Variants in CAMTA1 observed in about 807,000 individuals in gnomAD.
CAMTA1 encodes the protein calmodulin-binding transcription activator 1.
Under a neutral mutation model 170.9 loss-of-function variants are expected in CAMTA1, and 27 were observed. That is an observed-to-expected ratio of 0.16 (90% CI 0.12 to 0.22). CAMTA1 has a LOEUF of 0.22. Among genes scored for constraint, CAMTA1 ranks in the 10% least tolerant of loss-of-function variants. CAMTA1 has a pLI of 1.00. For synonymous variants in CAMTA1, 833 were observed against 891.5 expected, an observed-to-expected ratio of 0.93 and a Z score of 1.17; for missense variants, 1,619 against 2,217.2, an observed-to-expected ratio of 0.73 and a Z score of 5.42.
intron 6 of CAMTA1, among the ~76,000 whole-genome samples, chr1:7,637,435 A>G (rs2095721388): frequency 6.6e-6 from 1 of 152,188 alleles, no homozygotes; most frequent in Non-Finnish European, 1.5e-5. Flanking sequence ...CACAGGCAGG[A>G]GCCCTCAGCC....
At chr1:7,726,639 T>A (rs2096688918) in intron 11 of CAMTA1, among the ~76,000 whole-genome samples, 1 of 152,214 alleles carries the variant, frequency 6.6e-6, no homozygotes, top group African/African-American at 2.4e-5. Context: ...GGCCAGCCTG[T>A]GTTACTAGAA....
chr1:7,180,865 G>A (rs373987106), intron 4 of CAMTA1, among the ~76,000 whole-genome samples: 67 of 152,186 alleles, frequency 4.4e-4, no homozygotes, highest in African/African-American at 1.4e-3. Context: ...TTAGAGAATC[G>A]AAAATAAATG....
At chr1:7,485,082 C>A (rs1178877081) in intron 6 of CAMTA1, among the ~76,000 whole-genome samples, 1 of 152,162 alleles carries the variant, frequency 6.6e-6, no homozygotes, top group East Asian at 1.9e-4. Flanking sequence ...CCAGCCCCTT[C>A]TGTTGCCTCC....
At chr1:6,851,870 C>G (rs1186106560) in intron 3 of CAMTA1, among the ~76,000 whole-genome samples, 1 of 151,686 alleles carries the variant, frequency 6.6e-6, no homozygotes, top group Non-Finnish European at 1.5e-5. Context: ...AAAAATTAGC[C>G]GGGCGTGGTG....
intron 1 of CAMTA1, among the ~76,000 whole-genome samples, chr1:6,815,189 C>A (rs1474795581): frequency 2.6e-5 from 4 of 151,564 alleles, no homozygotes; most frequent in Admixed American, 2.0e-4. Flanking sequence ...TAGAGCTCTG[C>A]ATCTCTCCTC....
At chr1:7,047,749 G>A (rs1249209187) in intron 3 of CAMTA1, among the ~76,000 whole-genome samples, 1 of 146,818 alleles carries the variant, frequency 6.8e-6, no homozygotes, top group Non-Finnish European at 1.5e-5. Context: ...GAGGTTACTA[G>A]GATTAGAGAT....
At chr1:6,807,085 G>A in intron 1 of CAMTA1, 1 of 640,388 alleles carries the variant, frequency 1.6e-6, no homozygotes, top group East Asian at 2.8e-5. Flanking sequence ...TCAGTGCTGT[G>A]AAGGTGCGTG....
At chr1:7,620,454 T>A (rs2095590187) in intron 6 of CAMTA1, among the ~76,000 whole-genome samples, 1 of 152,210 alleles carries the variant, frequency 6.6e-6, no homozygotes, top group African/African-American at 2.4e-5. Context: ...ACCAATGAGA[T>A]GTGACTGGAA....
At chr1:6,993,056 T>G (rs1161673875) in intron 3 of CAMTA1, among the ~76,000 whole-genome samples, 1 of 152,248 alleles carries the variant, frequency 6.6e-6, no homozygotes, top group Non-Finnish European at 1.5e-5. Context: ...GTGGATCTAT[T>G]TTGGTTTCTA....
At chr1:7,747,137 G>A (rs912174907) in intron 18 of CAMTA1, among the ~76,000 whole-genome samples, 9 of 152,170 alleles carry the variant, frequency 5.9e-5, no homozygotes, top group Non-Finnish European at 8.8e-5. Context: ...ATGATAATGC[G>A]TATTATTCAG....
chr1:7,026,080 A>C (rs1301232425), intron 3 of CAMTA1, among the ~76,000 whole-genome samples: 2 of 151,650 alleles, frequency 1.3e-5, no homozygotes, highest in Non-Finnish European at 2.9e-5. Context: ...TGATTGTACC[A>C]CTGCACTCAA....
At chr1:6,914,398 G>C (rs1468798882) in intron 3 of CAMTA1, among the ~76,000 whole-genome samples, 1 of 152,126 alleles carries the variant, frequency 6.6e-6, no homozygotes, top group East Asian at 1.9e-4. Flanking sequence ...CACCACACCT[G>C]GCCATCTCTG....
chr1:7,180,542 G>T lies in CAMTA1; in HGVS notation c.303-68949G>T, dbSNP rs559068089. ...TTTTTTTTTTTTTTTTTTTGAGACC[G>T]GGCCCCCCTCTATCATCCTGAAGTG... On this transcript the variant is annotated intron_variant, in intron 4 of 22. Coordinates refer to ENST00000303635, the MANE Select transcript of CAMTA1 (RefSeq NM_015215.4). 2.0e-3 allele frequency among the ~76,000 whole-genome samples: 183 copies of T among 90,442 alleles called. 1 individual carries two copies. The highest frequency in any genetic ancestry group is 7.4e-3 in the African/African-American group (174 of 23,452). 59.3% of individuals were successfully genotyped at this position (90,442 alleles called of 152,430 possible).
At chr1:6,857,014 G>A (rs1285958769) in intron 3 of CAMTA1, among the ~76,000 whole-genome samples, 1 of 152,208 alleles carries the variant, frequency 6.6e-6, no homozygotes, top group East Asian at 1.9e-4. Context: ...AAACTAGGGT[G>A]TCCCTGTGAA....
Position 7,130,040 on chromosome 1 carries a change from C to T in CAMTA1, c.302+38669C>T, listed in dbSNP as rs193061330. 4.2e-3 allele frequency among the ~76,000 whole-genome samples: 634 copies of T among 152,002 alleles called. 4 individuals carry two copies. Among genetic ancestry groups the T allele is most frequent in the African/African-American group, 0.014 (591 of 41,426 alleles). ...AAACCTCCACCTCCCAGGTTCAAGC[C>T]ATTCTCCCGCCTCAGCCCCCCAAGT... On this transcript the variant is annotated intron_variant, in intron 4 of 22. Coordinates refer to ENST00000303635, the MANE Select transcript of CAMTA1 (RefSeq NM_015215.4).
At chr1:7,159,180 G>A (rs1047477004) in intron 4 of CAMTA1, among the ~76,000 whole-genome samples, 4 of 151,834 alleles carry the variant, frequency 2.6e-5, no homozygotes, top group African/African-American at 7.3e-5. Context: ...GCCTAAGATG[G>A]GCTGCCTTTC....
At chr1:7,484,204 G>A (rs35863028) in intron 6 of CAMTA1, among the ~76,000 whole-genome samples, 3 of 152,272 alleles carry the variant, frequency 2.0e-5, no homozygotes, top group Middle Eastern at 3.4e-3. Context: ...CTGGCACAGA[G>A]GGGGGCCCAC....
chr1:7,002,710 C>G (rs1698412412), intron 3 of CAMTA1, among the ~76,000 whole-genome samples: 1 of 152,142 alleles, frequency 6.6e-6, no homozygotes, highest in Non-Finnish European at 1.5e-5. Flanking sequence ...ACCATCTAGC[C>G]CATGTGCCTT....
At chr1:7,726,481 C>G (rs1054302114) in intron 11 of CAMTA1, among the ~76,000 whole-genome samples, 4 of 152,136 alleles carry the variant, frequency 2.6e-5, no homozygotes, top group African/African-American at 4.8e-5. Context: ...CTAGAAGGCT[C>G]TAAGTAGGTG....
Sources: gnomAD v4.1 joint callset for allele counts (sites outside exome capture counted in the v4.1 genomes callset) on GRCh38, gnomAD v4.1.1 for gene constraint, MANE v1.5 for transcripts, NCBI Gene and HGNC (gene_info 2026-07-23, HGNC 2026-07-21) for gene names.